The following CKMT2 variants were observed in gnomAD, a reference collection of about 807,000 sequenced individuals.
CKMT2 encodes creatine kinase, mitochondrial 2.
A neutral mutation model predicts 48.9 loss-of-function variants in CKMT2; 43 were observed. That is an observed-to-expected ratio of 0.88 (90% CI 0.69 to 1.13). CKMT2 has a LOEUF of 1.13. Among genes scored for constraint, CKMT2 ranks in the 50% most tolerant of loss-of-function variants. The probability of loss-of-function intolerance (pLI) is 0.00; values close to 1 mark genes in which losing one functional copy is unlikely to be tolerated. For synonymous variants in CKMT2, 206 were observed against 213.0 expected, an observed-to-expected ratio of 0.97 and a Z score of 0.29; for missense variants, 472 against 555.4, an observed-to-expected ratio of 0.85 and a Z score of 1.51.
chr5:81,259,012 C>A, intron 7 of CKMT2, 108 bp from the exon 8 acceptor site: 1 of 1,044,964 alleles, frequency 9.6e-7, no homozygotes, highest in Non-Finnish European at 1.4e-6. Context: ...ACCTTAATTT[C>A]ATTCATGCCA....
chr5:81,256,440 A>G (rs1757013192), intron 5 of CKMT2, among the ~76,000 whole-genome samples: 1 of 152,246 alleles, frequency 6.6e-6, no homozygotes, highest in Non-Finnish European at 1.5e-5. Flanking sequence ...AATGGTAACT[A>G]TATTTATTGA....
intron 9 of CKMT2, among the ~76,000 whole-genome samples, chr5:81,264,844 C>T (rs1333403813): frequency 6.6e-6 from 1 of 151,992 alleles, no homozygotes; most frequent in Non-Finnish European, 1.5e-5. Context: ...GCCCTTCATT[C>T]TTTTTAAAAA....
intron 2 of CKMT2, chr5:81,251,974 A>C (rs377587863): frequency 6.5e-6 from 1 of 153,292 alleles, no homozygotes; most frequent in Admixed American, 6.5e-5. Flanking sequence ...CGAAATGCAA[A>C]TCCAGGCCCC....
In CKMT2 at chr5:81,257,106, C is replaced by T; in HGVS notation, c.755+106C>T. The T allele has an allele frequency of 3.9e-6, 3 of 774,646 alleles. No homozygotes were observed. The Admixed American group carries it at 7.5e-5, about 19-fold the overall frequency. The allele number at this position is 774,646 out of a possible 1,614,324, so 48.0% of individuals were successfully genotyped here. ...CTGTGTACTGCAGTTGACAGCATGCCCAGACTGAGCTAAATGGAAAAAGAC... is the reference window on the plus strand; with the variant it reads ...CTGTGTACTGCAGTTGACAGCATGCTCAGACTGAGCTAAATGGAAAAAGAC... On this transcript the variant is annotated intron_variant, in intron 6 of 9. Coordinates refer to ENST00000254035, the MANE Select transcript of CKMT2 (RefSeq NM_001099735.2).
intron 1 of CKMT2, among the ~76,000 whole-genome samples, chr5:81,245,574 GA>G (rs1756581262): frequency 6.6e-6 from 1 of 152,220 alleles, no homozygotes; most frequent in South Asian, 2.1e-4. Flanking sequence ...GAGTTGAAGA[GA>G]ATGTGGGGAA....
chr5:81,266,052 C>A (rs913868947), intron 9 of CKMT2, 87 bp from the exon 10 acceptor site: 6 of 1,240,774 alleles, frequency 4.8e-6, no homozygotes, highest in Non-Finnish European at 6.8e-6. Context: ...GTGGCAAGTT[C>A]TCATTTATCA....
At chr5:81,245,891 G>A (rs75392735) in intron 1 of CKMT2, among the ~76,000 whole-genome samples, 2,147 of 152,150 alleles carry the variant, frequency 0.014, 45 homozygotes, top group African/African-American at 0.049. Flanking sequence ...AACACCTAAC[G>A]GCCTCACCAC....
intron 1 of CKMT2, among the ~76,000 whole-genome samples, chr5:81,249,822 TTATC>T (rs1393368996): frequency 5.3e-5 from 8 of 152,216 alleles, no homozygotes; most frequent in Non-Finnish European, 1.5e-5. Context: ...TCTAAAAATA[TTATC>T]TACCTGGGCT....
intron 8 of CKMT2, among the ~76,000 whole-genome samples, chr5:81,262,516 C>T (rs1757259860): frequency 6.6e-6 from 1 of 151,964 alleles, no homozygotes; most frequent in Admixed American, 6.6e-5. Context: ...AAAAAGTGGG[C>T]AAAGGATATG....
At chr5:81,235,928 C>T (rs183425947) in intron 1 of CKMT2, 1 of 152,208 alleles carries the variant, frequency 6.6e-6, no homozygotes, top group African/African-American at 2.4e-5. Context: ...CAGTGTTTTT[C>T]AATTCAGGAG....
In CKMT2 at chr5:81,255,092, G is replaced by A. The variant is rs768736680; in HGVS notation, c.547G>A (p.Ala183Thr). 14 of 1,613,982 alleles carry A rather than the reference G, an allele frequency of 8.7e-6. No homozygotes were observed. The South Asian group carries it at 1.2e-4, about 14-fold the overall frequency. ...GAGCCTGCCTCCAGCCTGCACCCGG[G>A]CCGAGCGAAGGGAGGTAGAGAACGT... ...GLSLPPACTR[A>T]ERREVENVAI... The change falls in exon 5 of 10, where the codon GCC becomes ACC. Residue 183 changes from alanine (A) to threonine (T), a missense_variant. By Grantham distance (58) the Ala-to-Thr change is moderately conservative. Transcript: ENST00000254035.
At chr5:81,245,429 G>A (rs1376670896) in intron 1 of CKMT2, 1 of 152,098 alleles carries the variant, frequency 6.6e-6, no homozygotes, top group Non-Finnish European at 1.5e-5. Context: ...AGGGACAATA[G>A]CATATAATGT....
At chr5:81,255,472 C>T (rs1286314555) in intron 5 of CKMT2, among the ~76,000 whole-genome samples, 1 of 152,138 alleles carries the variant, frequency 6.6e-6, no homozygotes. Context: ...ATGGTGCCTG[C>T]GGTTAGGAGG....
In CKMT2 at chr5:81,254,993, A is replaced by T. The variant is rs1250336726; in HGVS notation, c.448A>T (p.Ile150Phe). The T allele has an allele frequency of 1.9e-6, 3 of 1,613,436 alleles. No homozygotes were observed. The highest frequency in any genetic ancestry group is 2.5e-6 in the Non-Finnish European group (3 of 1,179,788). Residue 150 changes from isoleucine to phenylalanine, a missense_variant and splice_region_variant, in exon 5 of 10, where the codon ATC becomes TTC. By Grantham distance (21) the Ile-to-Phe change is conservative (BLOSUM62 0). Transcript: ENST00000254035. ...KHTTDLDASKITQGQFDEHYV... is the reference protein window; with the variant it reads ...KHTTDLDASKFTQGQFDEHYV... ...AGTGACCCCACAGTCTGCTTGGCAG[A>T]TCACCCAAGGGCAGTTCGACGAGCA...
At chr5:81,236,772 G>A (rs909416572) in intron 1 of CKMT2, among the ~76,000 whole-genome samples, 5 of 152,204 alleles carry the variant, frequency 3.3e-5, no homozygotes, top group South Asian at 2.1e-4. Context: ...TGTGAACCCC[G>A]ATGTTGGTTT....
Position 81,251,249 on chromosome 5 carries a change from C to A in CKMT2, c.117C>A (p.Ala39=). ...TGCTGAACCGGCAGAAAGTGTGTGC[C>A]GAGGTCCGGGAGCAGCCTAGGCTAT... The part of the protein sequence containing the change: ...GYLLNRQKVC[A]EVREQPRLFP... The change falls in exon 2 of 10, where the codon GCC becomes GCA. Residue 39 remains alanine, a synonymous_variant. Transcript: ENST00000254035. 6.2e-7 allele frequency: 1 copy of A among 1,614,108 alleles called. No individual in the cohort carries two copies. Among genetic ancestry groups the A allele is most frequent in the Non-Finnish European group, 8.5e-7 (1 of 1,180,022 alleles).
At chr5:81,243,625 C>T (rs1756509221) in intron 1 of CKMT2, among the ~76,000 whole-genome samples, 1 of 152,074 alleles carries the variant, frequency 6.6e-6, no homozygotes, top group South Asian at 2.1e-4. Flanking sequence ...TCCTGATGTT[C>T]TGGGCCCCCA....
chr5:81,237,809 A>T (rs1246493959), intron 1 of CKMT2: 1 of 152,148 alleles, frequency 6.6e-6, no homozygotes, highest in Admixed American at 6.5e-5. Context: ...AGTCCTAAGC[A>T]AGTTTTTCTT....
intron 5 of CKMT2, among the ~76,000 whole-genome samples, chr5:81,256,438 C>G (rs1253679747): frequency 1.3e-5 from 2 of 152,146 alleles, no homozygotes; most frequent in African/African-American, 4.8e-5. Context: ...TTAATGGTAA[C>G]TATATTTATT....
Sources: gnomAD v4.1 joint callset for allele counts (sites outside exome capture counted in the v4.1 genomes callset) on GRCh38, gnomAD v4.1.1 for gene constraint, MANE v1.5 for transcripts, NCBI Gene and HGNC (gene_info 2026-07-23, HGNC 2026-07-21) for gene names.